Variants in RAP1GAP2 observed in about 807,000 individuals in gnomAD.
The protein encoded by RAP1GAP2 is RAP1 GTPase activating protein 2, also known as rap1 GTPase-activating protein 2.
In RAP1GAP2, 27 loss-of-function variants were observed where a neutral mutation model predicts 95.0. The observed-to-expected ratio is 0.28, with a 90% CI of 0.21 to 0.39. The LOEUF (loss-of-function observed/expected upper bound fraction) is 0.39. Among genes scored for constraint, RAP1GAP2 ranks in the 10% least tolerant of loss-of-function variants. RAP1GAP2 has a pLI of 1.00. For synonymous variants in RAP1GAP2, 373 were observed against 380.9 expected, an observed-to-expected ratio of 0.98 and a Z score of 0.24; for missense variants, 771 against 970.0, an observed-to-expected ratio of 0.79 and a Z score of 2.72.
intron 3 of RAP1GAP2, among the ~76,000 whole-genome samples, chr17:2,914,106 C>T (rs761908632): frequency 2.0e-5 from 3 of 152,106 alleles, no homozygotes; most frequent in Non-Finnish European, 2.9e-5. Context: ...CTCCCAACCT[C>T]AAGTGATCCG....
chr17:2,938,301 G>A (rs12451246), intron 3 of RAP1GAP2, among the ~76,000 whole-genome samples: 32,164 of 152,028 alleles, frequency 0.21, 4,311 homozygotes, highest in African/African-American at 0.37. Flanking sequence ...CCCACACTAG[G>A]TCTGGAGCTG....
chr17:2,900,463 C>T (rs924585849), intron 2 of RAP1GAP2, among the ~76,000 whole-genome samples: 21 of 151,882 alleles, frequency 1.4e-4, no homozygotes, highest in South Asian at 2.1e-4. Flanking sequence ...TTTTTTGAGA[C>T]GGAGTTTCGC....
chr17:2,812,610 A>T (rs988985691), intron 2 of RAP1GAP2, among the ~76,000 whole-genome samples: 27 of 151,574 alleles, frequency 1.8e-4, no homozygotes, highest in Admixed American at 4.6e-4. Flanking sequence ...CACAGCAAAT[A>T]GTTTGTTTGT....
chr17:2,930,553 C>T (rs1202136432), intron 3 of RAP1GAP2, among the ~76,000 whole-genome samples: 1 of 152,232 alleles, frequency 6.6e-6, no homozygotes, highest in East Asian at 1.9e-4. Flanking sequence ...TGGCCTGCAG[C>T]TTCAGCCGAG....
Position 2,796,649 on chromosome 17 carries a change from G to A in RAP1GAP2, c.44+78G>A, listed in dbSNP as rs1037233854. The A allele has an allele frequency of 7.3e-6, 11 of 1,499,126 alleles. No homozygotes were observed. Among genetic ancestry groups the A allele is most frequent in the East Asian group, 4.9e-5 (2 of 40,658 alleles). 92.9% of individuals were successfully genotyped at this position (1,499,126 alleles called of 1,614,324 possible). A position where few individuals can be genotyped will look rare whatever the true frequency, so the allele number is the denominator to read the frequency against. On this transcript the variant is annotated intron_variant, in intron 1 of 24. Transcript: ENST00000254695. This position sits in a 1 kb window ranked among gnomAD's most constrained non-coding sequence, Gnocchi z 4.7. ...AGTCTTGTTAAGTGCATTGGCGGCC[G>A]TGGGAACAGAGGGGCTCGGGCTGTG...
intron 2 of RAP1GAP2, 62 bp downstream of exon 2, chr17:2,800,612 T>G: frequency 3.2e-6 from 5 of 1,538,556 alleles, no homozygotes; most frequent in Non-Finnish European, 3.6e-6. Flanking sequence ...CGCCGGGCCC[T>G]TGCTCCCCCC....
At position 2,960,123 on chromosome 17, in the gene RAP1GAP2, C is replaced by CAAAAAAAA. The variant is rs71153316; in HGVS notation, c.201+2340_201+2347dup. ...TGGATGGCAGAGCAAGACTCCATCTCAAAAAAAAAAAAAAAAAACAACAAA... is the reference window on the plus strand; with the variant it reads ...TGGATGGCAGAGCAAGACTCCATCTCAAAAAAAAAAAAAAAAAAAAAAAAAACAACAAA... On this transcript the variant is annotated intron_variant, in intron 4 of 24. Transcript: ENST00000254695. Among the ~76,000 whole-genome samples, 60 of 80,852 alleles carry CAAAAAAAA rather than the reference C, an allele frequency of 7.4e-4. 1 individual carries two copies. Among genetic ancestry groups the CAAAAAAAA allele is most frequent in the African/African-American group, 1.9e-3 (37 of 19,870 alleles). 53.0% of individuals were successfully genotyped at this position (80,852 alleles called of 152,430 possible).
chr17:2,928,290 G>A (rs1338632928), intron 3 of RAP1GAP2, among the ~76,000 whole-genome samples: 2 of 152,176 alleles, frequency 1.3e-5, no homozygotes, highest in Non-Finnish European at 2.9e-5. Context: ...GGCCGGTGGG[G>A]AAACAGCAAA....
At chr17:2,772,648 A>G (rs540822220), upstream of RAP1GAP2, among the ~76,000 whole-genome samples, 1 of 151,874 alleles carries the variant, frequency 6.6e-6, no homozygotes, top group African/African-American at 2.4e-5. Context: ...TTGCAGGAAT[A>G]AATTGATTTA....
At chr17:2,943,718 A>G (rs148958656) in intron 3 of RAP1GAP2, among the ~76,000 whole-genome samples, 5 of 152,272 alleles carry the variant, frequency 3.3e-5, no homozygotes, top group African/African-American at 1.2e-4. Context: ...ACGTGTACTA[A>G]AGACTTGAAT....
rs768825839 is a variant in RAP1GAP2 at position 3,018,120 on chromosome 17, G to T, written c.1554G>T (p.Ser518=). ...CCATGGTGGGCGGCCAGAAGAAGTC[G>T]CACAGTGGGGGCATCCCTGGCAGCC... ...METMVGGQKK[S]HSGGIPGSLS... is the part of the protein sequence containing the mutation. The change falls in exon 18 of 25, where the codon TCG becomes TCT. Residue 518 remains serine, a synonymous_variant. Coordinates refer to ENST00000254695, the MANE Select transcript of RAP1GAP2 (RefSeq NM_015085.5). 1 of 1,589,490 alleles carries T rather than the reference G, an allele frequency of 6.3e-7. No individual in the cohort carries two copies. The highest frequency in any genetic ancestry group is 1.8e-5 in the Admixed American group (1 of 56,694).
At position 2,801,328 on chromosome 17, in the gene RAP1GAP2, AG is replaced by A. The variant is rs1445500720; in HGVS notation, c.80+779del. 4.0e-4 allele frequency among the ~76,000 whole-genome samples: 61 copies of A among 151,470 alleles called. 1 individual carries two copies. Among genetic ancestry groups the A allele is most frequent in the East Asian group, 3.4e-3 (17 of 5,026 alleles). ...CGTCTCTACTAAAAATACAAAAATT[AG>A]CTGAGCGTGATGGCACTTGCCTGTA... is the stretch of plus-strand genomic sequence containing the variant. On this transcript the variant is annotated intron_variant, in intron 2 of 24. Transcript: ENST00000254695.
rs1173315941 is a variant in RAP1GAP2, at chr17:2,777,983, TGGGAGGCG to T, written c.-14+713_-14+720del. Among the ~76,000 whole-genome samples the T allele has an allele frequency of 6.3e-3, 165 of 26,224 alleles. 12 individuals carry two copies. The highest frequency in any genetic ancestry group is 0.038 in the East Asian group (38 of 994). The allele number at this position is 26,224 out of a possible 152,430, so 17.2% of individuals were successfully genotyped here. A position where few individuals can be genotyped will look rare whatever the true frequency, so the allele number is the denominator to read the frequency against. The stretch of plus-strand genomic sequence containing the variant: ...CTGGGAGGCGGGGAGGCTGGGAGGC[TGGGAGGCG>T]GGGAGGCTGGGAGGCTGGGAGGCGG... On this transcript the variant is annotated intron_variant, in intron 1 of 24. Coordinates refer to the RAP1GAP2 transcript ENST00000540393.
At position 3,021,430 on chromosome 17, in the gene RAP1GAP2, C is replaced by CT. The variant is rs57099220; in HGVS notation, c.1751+861dup. Among the ~76,000 whole-genome samples the CT allele has an allele frequency of 8.1e-3, 779 of 95,730 alleles. 48 individuals carry two copies. The highest frequency in any genetic ancestry group is 0.025 in the South Asian group (51 of 2,004). The allele number at this position is 95,730 out of a possible 152,430, so 62.8% of individuals were successfully genotyped here. ...ATGAATGAGAACATGCGATATTTGT[C>CT]TTTTTTTTTTTTTTTTTTTTTTTTT... is the stretch of plus-strand genomic sequence containing the variant. On this transcript the variant is annotated intron_variant, in intron 19 of 24. Transcript: ENST00000254695.
intron 1 of RAP1GAP2, among the ~76,000 whole-genome samples, chr17:2,763,218 GTAGT>G (rs1347378277): frequency 1.3e-5 from 2 of 152,212 alleles, no homozygotes; most frequent in Non-Finnish European, 2.9e-5. Context: ...TTCCGAGGAT[GTAGT>G]TAGTTGATCA....
chr17:2,833,224 C>G (rs547554686), intron 2 of RAP1GAP2, among the ~76,000 whole-genome samples: 1 of 150,102 alleles, frequency 6.7e-6, no homozygotes, highest in African/African-American at 2.4e-5. Context: ...TTCACTGCAA[C>G]CTCTGCCTCC....
intron 17 of RAP1GAP2, among the ~76,000 whole-genome samples, chr17:3,011,342 A>G (rs1450294081): frequency 2.6e-5 from 4 of 152,180 alleles, no homozygotes; most frequent in African/African-American, 4.8e-5. Context: ...GGGACAGGCC[A>G]GGCTCAGCCG....
In RAP1GAP2 at chr17:2,980,357, A is replaced by T. The variant is rs2045313140; in HGVS notation, c.667A>T (p.Ile223Phe). The T allele has an allele frequency of 1.9e-6, 3 of 1,613,842 alleles. No individual in the cohort carries two copies. The highest frequency in any genetic ancestry group is 2.5e-6 in the Non-Finnish European group (3 of 1,179,840). The change falls in exon 9 of 25, where the codon ATT becomes TTT. Residue 223 changes from isoleucine (I) to phenylalanine (F), a missense_variant. By Grantham distance (21) the Ile-to-Phe change is conservative (BLOSUM62 0). Transcript: ENST00000254695. ...GAGCAAGCTTCCCAGTGTCCCTCAG[A>T]TTGCAAAGGTGAGAAACCAACCCGT... ...GLSKLPSVPQ[I>F]AKAFCDDAVG...
intron 8 of RAP1GAP2, among the ~76,000 whole-genome samples, chr17:2,974,020 TG>T (rs2044986700): frequency 1.3e-5 from 2 of 151,952 alleles, no homozygotes; most frequent in Admixed American, 6.6e-5. Flanking sequence ...TTAAAGACAA[TG>T]GGGCAATATC....
Sources: allele counts gnomAD v4.1 joint callset (sites outside exome capture counted in the v4.1 genomes callset), GRCh38; gene constraint gnomAD v4.1.1; non-coding constraint Gnocchi (gnomAD v3.1); transcripts MANE v1.5; gene names NCBI Gene and HGNC (gene_info 2026-07-23, HGNC 2026-07-21).